The following PLCB2 variants were observed in gnomAD, a reference collection of about 807,000 sequenced individuals.
The protein encoded by PLCB2 is 1-phosphatidylinositol 4,5-bisphosphate phosphodiesterase beta-2.
PLCB2 carries 115 observed loss-of-function variants against 141.7 expected under a neutral mutation model. That is an observed-to-expected ratio of 0.81 (90% CI 0.70 to 0.95). The LOEUF is 0.95. Among genes scored for constraint, PLCB2 ranks in the 40% least tolerant of loss-of-function variants. The pLI, the probability that PLCB2 is intolerant of heterozygous loss-of-function variation, is 0.00. For missense variants in PLCB2, 1,403 were observed against 1,541.1 expected (o/e 0.91, Z 1.50); for synonymous variants, 603 against 595.6 (o/e 1.01, Z -0.18).
At chr15:40,285,803 C>A (rs1168073238), downstream of PLCB2, 1 of 985,498 alleles carries the variant, frequency 1.0e-6, no homozygotes, top group Non-Finnish European at 1.2e-6. Context: ...CTCACACCCC[C>A]CCAGGTGGAG....
At chr15:40,291,775 A>AT in intron 24 of PLCB2, 74 bp downstream of exon 24, 13 of 1,609,120 alleles carry the variant, frequency 8.1e-6, no homozygotes, top group Non-Finnish European at 1.1e-5. Context: ...CCTAGGTGAA[A>AT]TTTTTTAAAG....
intron 1 of PLCB2, among the ~76,000 whole-genome samples, chr15:40,304,392 G>A (rs1056572432): frequency 1.3e-4 from 20 of 152,036 alleles, no homozygotes; most frequent in African/African-American, 4.6e-4. Flanking sequence ...TTGACACAGC[G>A]AGAGCCAAGA....
Position 40,291,151 on chromosome 15 carries a change from G to T in PLCB2, c.2903C>A (p.Ala968Glu), listed in dbSNP as rs1187987653. 6.4e-7 allele frequency: 1 copy of T among 1,570,162 alleles called. No individual in the cohort carries two copies. The highest frequency in any genetic ancestry group is 1.8e-5 in the Admixed American group (1 of 56,170). Reference protein sequence around the residue: ...SLPREESAGAAPGEGPEGVDG... With the variant: ...SLPREESAGAEPGEGPEGVDG... The stretch of plus-strand genomic sequence containing the variant: ...CACGCCCTCAGGGCCCTCGCCCGGC[G>T]CGGCTCCGGCGCTCTCCTCGCGGGG... The change falls in exon 27 of 32, where the codon GCG becomes GAG. Residue 968 changes from alanine to glutamate, a missense_variant. By Grantham distance (107) the Ala-to-Glu change is moderately radical. Transcript: ENST00000260402.
intron 1 of PLCB2, among the ~76,000 whole-genome samples, chr15:40,304,397 C>T (rs2141181005): frequency 6.6e-6 from 1 of 152,252 alleles, no homozygotes; most frequent in South Asian, 2.1e-4. Flanking sequence ...ACAGCGAGAG[C>T]CAAGAGCCCA....
intron 16 of PLCB2, among the ~76,000 whole-genome samples, chr15:40,295,709 A>G (rs1386479945): frequency 6.6e-6 from 1 of 152,096 alleles, no homozygotes; most frequent in Non-Finnish European, 1.5e-5. Context: ...TAACTGTAGT[A>G]CATGCCATGA....
At chr15:40,304,136 C>T (rs1421394013) in intron 1 of PLCB2, 58 bp from the exon 2 acceptor site, 59 of 1,216,512 alleles carry the variant, frequency 4.8e-5, no homozygotes, top group East Asian at 4.7e-4. Flanking sequence ...CCTCCCTGGT[C>T]CAGGCCAGGG....
intron 4 of PLCB2, 43 bp downstream of exon 4, chr15:40,302,426 T>C: frequency 6.2e-7 from 1 of 1,613,224 alleles, no homozygotes; most frequent in East Asian, 2.2e-5. Flanking sequence ...AAGTCCAGGC[T>C]ATCCCAGGGG....
Position 40,292,988 on chromosome 15 carries a change from A to G in PLCB2, c.2264T>C (p.Val755Ala). 1 of 1,606,256 alleles carries G rather than the reference A, an allele frequency of 6.2e-7. No homozygotes were observed. Among genetic ancestry groups the G allele is most frequent in the Non-Finnish European group, 8.5e-7 (1 of 1,176,426 alleles). The change falls in exon 21 of 32, where the codon GTG becomes GCG. Residue 755 changes from valine to alanine, a missense_variant. Physicochemically the swap from Val to Ala is moderately conservative, Grantham distance 64. Transcript: ENST00000260402. Reference protein sequence around the residue: ...MPELASLRVAVMEEGNKFLGH... With the variant: ...MPELASLRVAAMEEGNKFLGH... ...AAGAAACTTGTTGCCTTCCTCCATCACAGCCACTCTGAGGGAGGCCAGCTC... is the reference window on the plus strand; with the variant it reads ...AAGAAACTTGTTGCCTTCCTCCATCGCAGCCACTCTGAGGGAGGCCAGCTC...
intron 7 of PLCB2, chr15:40,301,508 G>A: frequency 1.4e-6 from 1 of 702,808 alleles, no homozygotes; most frequent in Non-Finnish European, 2.6e-6. Context: ...CATCTTGGCA[G>A]CTTCCGCCTT....
intron 1 of PLCB2, among the ~76,000 whole-genome samples, chr15:40,305,494 C>A (rs1203421782): frequency 6.6e-6 from 1 of 152,164 alleles, no homozygotes; most frequent in Non-Finnish European, 1.5e-5. Context: ...GACAAGCCTG[C>A]ACCCTTGGGA....
chr15:40,298,087 C>A (rs760494786), intron 11 of PLCB2, 128 bp from the exon 12 acceptor site: 80 of 1,180,468 alleles, frequency 6.8e-5, no homozygotes, highest in Non-Finnish European at 8.9e-5. Context: ...GGCCCCCAAT[C>A]CCTGCTGGTC....
rs374751358 is a variant in PLCB2, at chr15:40,302,300, T to A, written c.422A>T (p.Asn141Ile). The A allele has an allele frequency of 4.3e-6, 7 of 1,613,970 alleles. No homozygotes were observed. Among genetic ancestry groups the A allele is most frequent in the Middle Eastern group, 1.6e-4 (1 of 6,084 alleles). The change falls in exon 5 of 32, where the codon AAC becomes ATC. Residue 141 changes from asparagine to isoleucine, a missense_variant. Coordinates refer to ENST00000260402, the MANE Select transcript of PLCB2 (RefSeq NM_004573.3). ...GTCCAGGAAGGTGCTGCGGGAGGCGTTGGCCGTCAGCGGATGTTTGACTAG... is the reference window on the plus strand; with the variant it reads ...GTCCAGGAAGGTGCTGCGGGAGGCGATGGCCGTCAGCGGATGTTTGACTAG... ...LALVKHPLTA[N>I]ASRSTFLDKI...
Position 40,301,979 on chromosome 15 carries a change from G to T in PLCB2, c.560C>A (p.Ala187Asp), listed in dbSNP as rs368426531. 6.9e-5 allele frequency: 111 copies of T among 1,613,912 alleles called. No homozygotes were observed. Among genetic ancestry groups the T allele is most frequent in the Non-Finnish European group, 9.3e-5 (110 of 1,179,914 alleles). The change falls in exon 7 of 32, where the codon GCC becomes GAC. Residue 187 changes from alanine (A) to aspartate (D), a missense_variant. This residue lies in a region of PLCB2 where 975 missense variants were observed against 1,141.1 expected (regional missense o/e 0.85). Coordinates refer to ENST00000260402, the MANE Select transcript of PLCB2 (RefSeq NM_004573.3). Reference protein sequence around the residue: ...DRKRVEAALSACHLPKGKNDA... With the variant: ...DRKRVEAALSDCHLPKGKNDA... ...CACTTTGCCTTTGGGGAGGTGGCAG[G>T]CACTGAGAGCAGCTTCCACCCGCTT...
At chr15:40,292,481 C>A (rs372792969) in intron 21 of PLCB2, 38 bp from the exon 22 acceptor site, 2 of 1,452,914 alleles carry the variant, frequency 1.4e-6, no homozygotes, top group East Asian at 4.6e-5. Flanking sequence ...AGCCAGAGCC[C>A]GTTCCTGCCA....
Position 40,302,121 on chromosome 15 carries a change from G to A in PLCB2, c.506+15C>T, listed in dbSNP as rs531497093. The A allele has an allele frequency of 5.6e-6, 9 of 1,612,292 alleles. No homozygotes were observed. The highest frequency in any genetic ancestry group is 7.6e-6 in the Non-Finnish European group (9 of 1,178,842). On this transcript the variant is annotated intron_variant, in intron 6 of 31. Transcript: ENST00000260402. ...GGGAGCCCCTGGAAGCCTGGGGAGG[G>A]GTTGGGGGGCTCACTTCTTCACCGG...
chr15:40,289,331 C>G lies in PLCB2; in HGVS notation c.3295G>C (p.Glu1099Gln), dbSNP rs984729061. 2 of 1,613,996 alleles carry G rather than the reference C, an allele frequency of 1.2e-6. No homozygotes were observed. The highest frequency in any genetic ancestry group is 1.7e-5 in the Admixed American group (1 of 60,008). Residue 1099 changes from glutamate to glutamine, a missense_variant, in exon 31 of 32, where the codon GAG becomes CAG. This residue lies in a region of PLCB2 where 132 missense variants were observed against 132.4 expected (regional missense o/e 1.00). Coordinates refer to ENST00000260402, the MANE Select transcript of PLCB2 (RefSeq NM_004573.3). ...GCCGCCTGCTTCTCCTCCAGCTTCT[C>G]CTGGTGCCTCTCCAAGTTCTCCGTC... ...QMTENLERHQEKLEEKQAACL... is the reference protein window; with the variant it reads ...QMTENLERHQQKLEEKQAACL...
In PLCB2 at chr15:40,300,370, G is replaced by A. The variant is rs184257728; in HGVS notation, c.583-1142C>T. Among the ~76,000 whole-genome samples the A allele has an allele frequency of 3.1e-4, 47 of 152,266 alleles. No homozygotes were observed. The East Asian group carries it at 6.0e-3, about 19-fold the overall frequency. ...CTCTCACTTTAGAAAACAGTTTGGC[G>A]GTTTCTCAAATTGTTAAATATAGAG... On this transcript the variant is annotated intron_variant, in intron 7 of 31. Coordinates refer to ENST00000260402, the MANE Select transcript of PLCB2 (RefSeq NM_004573.3).
rs1279160377 is a variant in PLCB2 at position 40,288,935 on chromosome 15, G to A, written c.3355-17C>T. ...CTTCTGGAACTGTGGAGACAGCAAG[G>A]ACCCCTGCCTGGCTCAGGAGGGGCC... On this transcript the variant is annotated splice_polypyrimidine_tract_variant and intron_variant, in intron 31 of 31. Coordinates refer to ENST00000260402, the MANE Select transcript of PLCB2 (RefSeq NM_004573.3). The A allele has an allele frequency of 1.2e-6, 2 of 1,610,820 alleles. No homozygotes were observed. The highest frequency in any genetic ancestry group is 2.7e-5 in the African/African-American group (2 of 74,996).
chr15:40,290,184 A>G, intron 29 of PLCB2, 102 bp from the exon 30 acceptor site: 1 of 805,898 alleles, frequency 1.2e-6, no homozygotes, highest in Middle Eastern at 2.3e-4. Flanking sequence ...AATCCAACAT[A>G]GGGCAGGAAC....
Sources: allele counts gnomAD v4.1 joint callset (sites outside exome capture counted in the v4.1 genomes callset), GRCh38; gene constraint gnomAD v4.1.1; regional missense constraint gnomAD v4.1.1; transcripts MANE v1.5; gene names NCBI Gene and HGNC (gene_info 2026-07-23, HGNC 2026-07-21).